The following SLC24A2 variants were observed in gnomAD, a reference collection of about 807,000 sequenced individuals.
The protein encoded by SLC24A2 is solute carrier family 24 member 2.
In SLC24A2, 36 loss-of-function variants were observed where a neutral mutation model predicts 62.0. The observed-to-expected ratio is 0.58, with a 90% CI of 0.44 to 0.77. The LOEUF (loss-of-function observed/expected upper bound fraction) is 0.77, where lower values mean the gene tolerates loss of function less well. Among genes scored for constraint, SLC24A2 ranks in the 30% least tolerant of loss-of-function variants. The pLI, the probability that SLC24A2 is intolerant of heterozygous loss-of-function variation, is 0.00. For synonymous variants in SLC24A2, 358 were observed against 294.0 expected (o/e 1.22, Z -2.23); for missense variants, 846 against 817.9 (o/e 1.03, Z -0.42).
the SLC24A2 span, among the ~76,000 whole-genome samples, chr9:20,079,879 G>A: frequency 2.0e-5 from 3 of 152,268 alleles, no homozygotes; most frequent in East Asian, 1.9e-4. Context: ...TCTGCAAACA[G>A]GGACAAAGAG....
chr9:19,907,725 T>C, the SLC24A2 span, among the ~76,000 whole-genome samples: 172 of 152,226 alleles, frequency 1.1e-3, 1 homozygote, highest in African/African-American at 3.6e-3. Flanking sequence ...GAGTGAACTC[T>C]CATTCACAAT....
the SLC24A2 span, among the ~76,000 whole-genome samples, chr9:19,977,113 T>TTGTG: frequency 0.057 from 8,328 of 145,236 alleles, 288 homozygotes; most frequent in African/African-American, 0.09. Context: ...ATTTCTATAT[T>TTGTG]TGTGTGTGTG....
the SLC24A2 span, among the ~76,000 whole-genome samples, chr9:19,939,901 A>G: frequency 5.3e-5 from 8 of 152,192 alleles, no homozygotes; most frequent in Admixed American, 1.3e-4. Flanking sequence ...TCCCTGGCAC[A>G]CTCAGATAAA....
At chr9:20,121,917 C>G in the SLC24A2 span, among the ~76,000 whole-genome samples, 1 of 152,292 alleles carries the variant, frequency 6.6e-6, no homozygotes, top group Middle Eastern at 3.4e-3. Flanking sequence ...TTACACGTAG[C>G]ATGCATTATA....
the SLC24A2 span, among the ~76,000 whole-genome samples, chr9:20,095,508 T>C: frequency 6.6e-6 from 1 of 152,216 alleles, no homozygotes; most frequent in Admixed American, 6.5e-5. Context: ...ACTAAAAATC[T>C]GAACTTTCTC....
chr9:20,268,871 G>A, the SLC24A2 span, among the ~76,000 whole-genome samples: 25 of 152,270 alleles, frequency 1.6e-4, no homozygotes, highest in East Asian at 3.7e-3. Context: ...GAGGAACTAC[G>A]AAAGAGAACT....
At chr9:20,213,836 A>C in the SLC24A2 span, among the ~76,000 whole-genome samples, 13 of 152,226 alleles carry the variant, frequency 8.5e-5, no homozygotes, top group South Asian at 8.3e-4. Flanking sequence ...GCTTTATACT[A>C]GGTGCTTTAT....
At chr9:20,019,634 G>A in the SLC24A2 span, among the ~76,000 whole-genome samples, 1 of 152,092 alleles carries the variant, frequency 6.6e-6, no homozygotes, top group Non-Finnish European at 1.5e-5. Context: ...GAAAACCTAG[G>A]CAATACTATT....
the SLC24A2 span, among the ~76,000 whole-genome samples, chr9:20,075,691 A>T: frequency 2.3e-5 from 2 of 86,870 alleles, no homozygotes; most frequent in East Asian, 3.4e-3. Flanking sequence ...GGCTTGCTTG[A>T]ACAATCAGGG....
At chr9:20,193,059 G>A in the SLC24A2 span, among the ~76,000 whole-genome samples, 8 of 152,116 alleles carry the variant, frequency 5.3e-5, no homozygotes, top group Non-Finnish European at 1.5e-5. Context: ...GAGGTCTAAA[G>A]TCAGAATTAA....
chr9:19,612,992 G>C (rs1323197934), intron 4 of SLC24A2, among the ~76,000 whole-genome samples: 1 of 152,172 alleles, frequency 6.6e-6, no homozygotes, highest in African/African-American at 2.4e-5. Context: ...ACATCCATCT[G>C]GGCAGGTCAC....
At chr9:19,531,713 C>A (rs1251793863) in intron 8 of SLC24A2, among the ~76,000 whole-genome samples, 1 of 129,506 alleles carries the variant, frequency 7.7e-6, no homozygotes, top group Non-Finnish European at 1.6e-5. Flanking sequence ...CCCCCCAAAT[C>A]CTACTAAAGA....
intron 9 of SLC24A2, among the ~76,000 whole-genome samples, chr9:19,527,788 T>C (rs1833508313): frequency 6.6e-6 from 1 of 152,182 alleles, no homozygotes; most frequent in Admixed American, 6.5e-5. Context: ...CTGGTGTCTG[T>C]CAGGCTGCAG....
At chr9:20,206,526 G>C in the SLC24A2 span, among the ~76,000 whole-genome samples, 1 of 152,136 alleles carries the variant, frequency 6.6e-6, no homozygotes, top group Non-Finnish European at 1.5e-5. Context: ...GTCTCGCTCT[G>C]TCGCCCAGGC....
chr9:19,839,194 C>T, the SLC24A2 span, among the ~76,000 whole-genome samples: 2 of 152,166 alleles, frequency 1.3e-5, no homozygotes, highest in African/African-American at 4.8e-5. Context: ...CAATGAGGTA[C>T]CATCTCACAC....
intron 2 of SLC24A2, among the ~76,000 whole-genome samples, chr9:19,679,039 GC>G (rs1299533812): frequency 4.6e-5 from 7 of 152,182 alleles, no homozygotes; most frequent in African/African-American, 1.7e-4. Context: ...TTCTAATCCT[GC>G]CCTGATACCC....
chr9:19,990,097 A>G, the SLC24A2 span, among the ~76,000 whole-genome samples: 6 of 152,208 alleles, frequency 3.9e-5, no homozygotes. Flanking sequence ...TCAATATTTT[A>G]GGTATTGTGT....
the SLC24A2 span, among the ~76,000 whole-genome samples, chr9:20,239,418 G>A: frequency 5.9e-5 from 9 of 152,168 alleles, no homozygotes; most frequent in Admixed American, 2.6e-4. Context: ...TCTGGTCAGG[G>A]AGCTCCAGGG....
At chr9:19,550,706 C>CTT (rs10630327) in intron 7 of SLC24A2, among the ~76,000 whole-genome samples, 100,300 of 145,000 alleles carry the variant, frequency 0.69, 36,423 homozygotes, top group East Asian at 0.95. Flanking sequence ...TTCTTTTTCT[C>CTT]TTTTTTTTTT....
Sources: gnomAD v4.1 joint callset for allele counts (sites outside exome capture counted in the v4.1 genomes callset) on GRCh38, gnomAD v4.1.1 for gene constraint, MANE v1.5 for transcripts, NCBI Gene and HGNC (gene_info 2026-07-23, HGNC 2026-07-21) for gene names.